B3GALT1: variants seen among roughly 807,000 people sequenced by gnomAD.
B3GALT1 encodes UDP-Gal:betaGlcNAc beta 1,3-galactosyltransferase, polypeptide 1.
In B3GALT1, 10 loss-of-function variants were observed where a neutral mutation model predicts 23.2. The ratio of observed to expected loss-of-function variants is 0.43; its 90% CI spans 0.27 to 0.73. The LOEUF (loss-of-function observed/expected upper bound fraction) is 0.73. Ranked by LOEUF, B3GALT1 falls within the 30% of genes least tolerant of loss-of-function variation. The pLI, the probability that B3GALT1 is intolerant of heterozygous loss-of-function variation, is 0.21. For missense variants in B3GALT1, 299 were observed against 405.4 expected (o/e 0.74, Z 2.25); for synonymous variants, 156 against 141.5 (o/e 1.10, Z -0.73).
chr2:167,643,707 TC>T (rs2105457585), intron 2 of B3GALT1, among the ~76,000 whole-genome samples: 1 of 152,310 alleles, frequency 6.6e-6, no homozygotes, highest in African/African-American at 2.4e-5. Flanking sequence ...CCTAAAATCT[TC>T]CCTTTTATGA....
chr2:167,558,776 G>T (rs1189060502), intron 2 of B3GALT1, among the ~76,000 whole-genome samples: 2 of 152,244 alleles, frequency 1.3e-5, no homozygotes, highest in African/African-American at 2.4e-5. Flanking sequence ...CCATTGCCCA[G>T]GCTTGCTTAG....
intron 2 of B3GALT1, among the ~76,000 whole-genome samples, chr2:167,584,362 TCAGTTTTTCC>T (rs1423913184): frequency 6.6e-6 from 1 of 152,168 alleles, no homozygotes; most frequent in Admixed American, 6.5e-5. Flanking sequence ...GGGAAAAAAC[TCAGTTTTTCC>T]CACTATGCTC....
intron 3 of B3GALT1, among the ~76,000 whole-genome samples, chr2:167,752,140 T>A (rs1687747945): frequency 6.6e-6 from 1 of 152,124 alleles, no homozygotes; most frequent in Non-Finnish European, 1.5e-5. Flanking sequence ...CAGTGAGAAT[T>A]TAACTTGGAA....
chr2:167,441,046 T>C (rs1194957135), intron 1 of B3GALT1, among the ~76,000 whole-genome samples: 1 of 152,214 alleles, frequency 6.6e-6, no homozygotes, highest in Non-Finnish European at 1.5e-5. Flanking sequence ...ACTGGGTTTA[T>C]TTTTGTCTAA....
chr2:167,645,754 AGAGATGAG>A (rs1685738069), intron 2 of B3GALT1, among the ~76,000 whole-genome samples: 1 of 151,768 alleles, frequency 6.6e-6, no homozygotes, highest in Admixed American at 6.6e-5. Context: ...TATTTTTAGT[AGAGATGAG>A]GTTTCACCAC....
At chr2:167,827,682 T>C (rs1316252211) in intron 4 of B3GALT1, among the ~76,000 whole-genome samples, 6 of 152,168 alleles carry the variant, frequency 3.9e-5, no homozygotes, top group African/African-American at 1.4e-4. Context: ...GGATGCTCTA[T>C]ATCCAAAGTC....
At position 167,510,777 on chromosome 2, in the gene B3GALT1, T is replaced by G. The variant is rs192196607; in HGVS notation, c.-410+20500T>G. ...GAGCTCAATTTTGCACAGTTTAAAT[T>G]TGAGATGCAAATTAAAGCATTCAGG... On this transcript the variant is annotated intron_variant, in intron 2 of 4. Transcript: ENST00000392690. 1.6e-3 allele frequency among the ~76,000 whole-genome samples: 237 copies of G among 152,272 alleles called. 1 individual carries two copies. Among genetic ancestry groups the G allele is most frequent in the Non-Finnish European group, 2.7e-3 (183 of 68,024 alleles).
chr2:167,348,146 A>G (rs1697254279), intron 1 of B3GALT1, among the ~76,000 whole-genome samples: 2 of 152,338 alleles, frequency 1.3e-5, no homozygotes, highest in African/African-American at 4.8e-5. Flanking sequence ...CACCTGGCAC[A>G]TAACACATAT....
At chr2:167,436,943 A>G (rs994142325) in intron 1 of B3GALT1, among the ~76,000 whole-genome samples, 1 of 152,158 alleles carries the variant, frequency 6.6e-6, no homozygotes, top group Non-Finnish European at 1.5e-5. Context: ...TGGGCAGCTG[A>G]GATATGTTTC....
At chr2:167,322,705 T>G (rs568652956) in intron 1 of B3GALT1, among the ~76,000 whole-genome samples, 88 of 152,190 alleles carry the variant, frequency 5.8e-4, no homozygotes, top group African/African-American at 1.9e-3. Flanking sequence ...GTGTGAACTC[T>G]AAGTTTTCTT....
intron 1 of B3GALT1, among the ~76,000 whole-genome samples, chr2:167,293,585 C>A (rs1272319065): frequency 6.6e-6 from 1 of 152,108 alleles, no homozygotes; most frequent in African/African-American, 2.4e-5. Flanking sequence ...CGTGTGTGCG[C>A]GCGCGCGGCT....
chr2:167,564,084 G>A (rs1684094597), intron 2 of B3GALT1, among the ~76,000 whole-genome samples: 1 of 151,872 alleles, frequency 6.6e-6, no homozygotes, highest in Admixed American at 6.5e-5. Flanking sequence ...CTGCCGGGCG[G>A]AGGGGCCCCT....
At chr2:167,428,124 G>A (rs1411354759) in intron 1 of B3GALT1, among the ~76,000 whole-genome samples, 1 of 152,040 alleles carries the variant, frequency 6.6e-6, no homozygotes, top group Non-Finnish European at 1.5e-5. Context: ...ATAATACTGT[G>A]GGATAAAAAA....
chr2:167,340,374 A>C (rs899100320), intron 1 of B3GALT1, among the ~76,000 whole-genome samples: 1 of 152,036 alleles, frequency 6.6e-6, no homozygotes, highest in Non-Finnish European at 1.5e-5. Context: ...GGTGTGACAA[A>C]ATCTGAAACT....
intron 3 of B3GALT1, chr2:167,715,626 A>C (rs1478268076): frequency 6.2e-7 from 1 of 1,613,808 alleles, no homozygotes; most frequent in African/African-American, 1.3e-5. Context: ...ATTTCTAGAC[A>C]GAGGATTTCA....
chr2:167,367,847 A>G lies in B3GALT1; in HGVS notation c.-511+74513A>G, dbSNP rs1697615228. 2.0e-5 allele frequency among the ~76,000 whole-genome samples: 3 copies of G among 152,078 alleles called. No homozygotes were observed. In the South Asian group the frequency reaches 6.2e-4, roughly 32 times the overall value. On this transcript the variant is annotated intron_variant, in intron 1 of 4. Transcript: ENST00000392690. ...TACCTTGCTAACATCCCTTTACACT[A>G]GTCTAGTCATTCTTTAAATCATAAA... is the stretch of plus-strand genomic sequence containing the variant.
chr2:167,757,124 G>A (rs1453510242), intron 3 of B3GALT1, among the ~76,000 whole-genome samples: 2 of 152,272 alleles, frequency 1.3e-5, no homozygotes, highest in East Asian at 1.9e-4. Flanking sequence ...AGAGGAAGTG[G>A]TACAGAAGAA....
chr2:167,401,014 A>G (rs925731010), intron 1 of B3GALT1, among the ~76,000 whole-genome samples: 1 of 152,092 alleles, frequency 6.6e-6, no homozygotes, highest in Non-Finnish European at 1.5e-5. Context: ...AGCTTAATTG[A>G]GTAGGCAGGT....
chr2:167,345,151 T>A (rs1366486288), intron 1 of B3GALT1, among the ~76,000 whole-genome samples: 1 of 152,096 alleles, frequency 6.6e-6, no homozygotes, highest in East Asian at 1.9e-4. Context: ...AATGATTGTC[T>A]CTGAGGAATG....
Sources: gnomAD v4.1 joint callset for allele counts (sites outside exome capture counted in the v4.1 genomes callset) on GRCh38, gnomAD v4.1.1 for gene constraint, MANE v1.5 for transcripts, NCBI Gene and HGNC (gene_info 2026-07-23, HGNC 2026-07-21) for gene names.